PCLO: variants seen among roughly 807,000 people sequenced by gnomAD.
PCLO encodes protein piccolo.
A neutral mutation model predicts 427.5 loss-of-function variants in PCLO; 82 were observed. That is an observed-to-expected ratio of 0.19 (90% CI 0.16 to 0.23). The LOEUF is 0.23. Among genes scored for constraint, PCLO ranks in the 10% least tolerant of loss-of-function variants. The pLI is 1.00. For missense variants in PCLO, 6,239 were observed against 6,115.9 expected, an observed-to-expected ratio of 1.02 and a Z score of -0.67; for synonymous variants, 2,357 against 2,155.4, an observed-to-expected ratio of 1.09 and a Z score of -2.59.
In PCLO at chr7:82,837,810, C is replaced by T. The variant is rs530576292; in HGVS notation, c.14222+408G>A. On this transcript the variant is annotated intron_variant, in intron 15 of 24. Coordinates refer to ENST00000333891, the MANE Select transcript of PCLO (RefSeq NM_033026.6). ...CAACACTAACATAATGGAAAATACA[C>T]ATGTCCTATAAAAATAAACAGTAAC... Among the ~76,000 whole-genome samples the T allele has an allele frequency of 1.2e-3, 184 of 152,068 alleles. 2 individuals carry two copies. The highest frequency in any genetic ancestry group is 2.3e-3 in the Non-Finnish European group (158 of 67,870).
At chr7:82,798,026 C>T (rs957410899) in intron 22 of PCLO, among the ~76,000 whole-genome samples, 7 of 152,056 alleles carry the variant, frequency 4.6e-5, no homozygotes, top group Non-Finnish European at 7.4e-5. Flanking sequence ...TTACTTTTTA[C>T]ATTCTGAACC....
Position 82,950,852 on chromosome 7 carries a change from G to C in PCLO, c.9736C>G (p.Arg3246Gly), listed in dbSNP as rs778608512. 1 of 1,613,464 alleles carries C rather than the reference G, an allele frequency of 6.2e-7. No individual in the cohort carries two copies. The highest frequency in any genetic ancestry group is 1.7e-5 in the Admixed American group (1 of 60,004). Reference protein sequence around the residue: ...EWERQEIQRFREQEKIMVQKK... With the variant: ...EWERQEIQRFGEQEKIMVQKK... ...TGAACCATGATCTTTTCTTGTTCTC[G>C]GAACCTTTGAATTTCCTGACGTTCC... Residue 3246 changes from arginine (R) to glycine (G), a missense_variant, in exon 6 of 25, where the codon CGA becomes GGA. By Grantham distance (125) the Arg-to-Gly change is moderately radical. Around this residue, in one of 5 missense-constraint regions of PCLO, gnomAD observed 4,677 missense variants for 4,468.4 expected, o/e 1.05. Coordinates refer to ENST00000333891, the MANE Select transcript of PCLO (RefSeq NM_033026.6).
At chr7:82,997,396 T>C (rs997063915) in intron 3 of PCLO, among the ~76,000 whole-genome samples, 4 of 152,020 alleles carry the variant, frequency 2.6e-5, no homozygotes, top group African/African-American at 9.7e-5. Context: ...ACCATTATAA[T>C]CTTTCTGCTA....
At chr7:83,080,849 T>C (rs1583995801) in intron 3 of PCLO, among the ~76,000 whole-genome samples, 2 of 152,138 alleles carry the variant, frequency 1.3e-5, no homozygotes, top group East Asian at 3.9e-4. Flanking sequence ...GTACTATCTT[T>C]TTCCCCATAT....
chr7:82,927,416 G>A (rs114319190), intron 6 of PCLO, among the ~76,000 whole-genome samples: 3 of 152,018 alleles, frequency 2.0e-5, no homozygotes, highest in African/African-American at 4.8e-5. Context: ...GTATGCATTC[G>A]TGTTTTTGAA....
chr7:82,818,146 T>C (rs1791715327), intron 20 of PCLO, among the ~76,000 whole-genome samples: 1 of 152,146 alleles, frequency 6.6e-6, no homozygotes, highest in African/African-American at 2.4e-5. Flanking sequence ...GAGAGTTGTT[T>C]AGGCCTCAGG....
intron 3 of PCLO, among the ~76,000 whole-genome samples, chr7:83,107,947 C>T (rs574952051): frequency 6.2e-5 from 9 of 144,242 alleles, no homozygotes; most frequent in Admixed American, 5.7e-4. Context: ...CAAGATCGTG[C>T]CACTGCACTC....
At chr7:82,772,656 G>A (rs58097526) in intron 22 of PCLO, among the ~76,000 whole-genome samples, 7,196 of 152,162 alleles carry the variant, frequency 0.047, 349 homozygotes, top group African/African-American at 0.12. Context: ...GTTATATAAA[G>A]AAATCCTTTC....
intron 3 of PCLO, among the ~76,000 whole-genome samples, chr7:83,129,885 T>C (rs1791526964): frequency 6.6e-6 from 1 of 152,194 alleles, no homozygotes; most frequent in Non-Finnish European, 1.5e-5. Context: ...TACTTTTGGC[T>C]TAAATTTATT....
At chr7:82,962,117 C>T (rs115689675) in intron 4 of PCLO, among the ~76,000 whole-genome samples, 2 of 152,164 alleles carry the variant, frequency 1.3e-5, no homozygotes, top group Non-Finnish European at 2.9e-5. Context: ...AAATCTGTTT[C>T]TGCATCTATT....
chr7:83,135,155 A>C lies in PCLO; in HGVS notation c.2395T>G (p.Ser799Ala). 6.2e-7 allele frequency: 1 copy of C among 1,613,886 alleles called. No homozygotes were observed. The highest frequency in any genetic ancestry group is 8.5e-7 in the Non-Finnish European group (1 of 1,179,880). The stretch of plus-strand genomic sequence containing the variant: ...GGAAAACTCTGTGAGGGTTTGGCAG[A>C]GTCTGTTTTTAGAGGAGGGGTTGTT... ...EKTTPPLKTD[S>A]AKPSQSFPPT... Residue 799 changes from serine (S) to alanine (A), a missense_variant, in exon 3 of 25, where the codon TCT becomes GCT. Physicochemically the swap from Ser to Ala is moderately conservative, Grantham distance 99. Coordinates refer to ENST00000333891, the MANE Select transcript of PCLO (RefSeq NM_033026.6).
At chr7:82,861,346 A>G (rs1792950255) in intron 10 of PCLO, among the ~76,000 whole-genome samples, 1 of 151,992 alleles carries the variant, frequency 6.6e-6, no homozygotes, top group South Asian at 2.1e-4. Context: ...AAGTACATGG[A>G]GTTATTACAC....
At position 82,838,249 on chromosome 7, in the gene PCLO, A is replaced by T. The variant is rs372381496; in HGVS notation, c.14191T>A (p.Phe4731Ile). ...PRDNNGYSDP[F>I]VKVYLLPGRG... ...CCTGGAAGAAGGTACACTTTCACAA[A>T]AGGGTCAGAATAACCATTGTTGTCT... Residue 4731 changes from phenylalanine to isoleucine, a missense_variant, in exon 15 of 25, where the codon TTT (phenylalanine) becomes ATT (isoleucine). This residue lies in a region of PCLO where 877 missense variants were observed against 925.5 expected (regional missense o/e 0.95). Coordinates refer to ENST00000333891, the MANE Select transcript of PCLO (RefSeq NM_033026.6). 1.7e-5 allele frequency: 27 copies of T among 1,599,902 alleles called. No homozygotes were observed. The African/African-American group carries it at 3.6e-4, about 21-fold the overall frequency.
At chr7:83,043,047 T>C (rs1789011373) in intron 3 of PCLO, among the ~76,000 whole-genome samples, 1 of 152,202 alleles carries the variant, frequency 6.6e-6, no homozygotes, top group African/African-American at 2.4e-5. Context: ...GCAGACGGAC[T>C]GTGCTGTGCA....
intron 3 of PCLO, among the ~76,000 whole-genome samples, chr7:82,980,385 T>A (rs973763972): frequency 2.6e-5 from 4 of 152,070 alleles, no homozygotes; most frequent in Admixed American, 2.6e-4. Context: ...ATAAAATTGC[T>A]CCATGGGGGA....
intron 22 of PCLO, among the ~76,000 whole-genome samples, chr7:82,800,878 C>T (rs975256840): frequency 2.6e-5 from 4 of 151,958 alleles, no homozygotes; most frequent in Non-Finnish European, 5.9e-5. Context: ...AGCCACCGTG[C>T]CCAGCCAGGG....
chr7:82,966,291 G>A lies in PCLO; in HGVS notation c.3497C>T (p.Thr1166Met), dbSNP rs536902882. The A allele has an allele frequency of 1.6e-5, 25 of 1,612,652 alleles. No homozygotes were observed. Among genetic ancestry groups the A allele is most frequent in the Admixed American group, 3.3e-5 (2 of 59,760 alleles). Residue 1166 changes from threonine (T) to methionine (M), a missense_variant, in exon 4 of 25, where the codon ACG becomes ATG. Thr to Met is a moderately conservative substitution (Grantham distance 81). Transcript: ENST00000333891. ...TTCCAGAATGACTTTTTCAGCTTCC[G>A]TTTTTACTTCTTGTTCTTGCTTTTT... is the stretch of plus-strand genomic sequence containing the variant. Reference protein sequence around the residue: ...LVKKQEQEVKTEAEKVILEKV... With the variant: ...LVKKQEQEVKMEAEKVILEKV...
chr7:83,072,387 T>C (rs992591690), intron 3 of PCLO, among the ~76,000 whole-genome samples: 1 of 152,084 alleles, frequency 6.6e-6, no homozygotes, highest in African/African-American at 2.4e-5. Context: ...AAAATAATAT[T>C]ATCCAAAATT....
chr7:83,008,851 A>ATT (rs1788010515), intron 3 of PCLO, among the ~76,000 whole-genome samples: 1 of 151,688 alleles, frequency 6.6e-6, no homozygotes, highest in African/African-American at 2.4e-5. Context: ...TGTATGTATA[A>ATT]TGATACATTA....
Sources: allele counts gnomAD v4.1 joint callset (sites outside exome capture counted in the v4.1 genomes callset), GRCh38; gene constraint gnomAD v4.1.1; regional missense constraint gnomAD v4.1.1; transcripts MANE v1.5; gene names NCBI Gene and HGNC (gene_info 2026-07-23, HGNC 2026-07-21).